DDX21: variants seen among roughly 807,000 people sequenced by gnomAD.
DDX21 encodes DExD-box helicase 21, also known as nucleolar RNA helicase 2.
In DDX21, 18 loss-of-function variants were observed where a neutral mutation model predicts 90.0. That is an observed-to-expected ratio of 0.20 (90% CI 0.14 to 0.30). The LOEUF is 0.30. DDX21 is among the 10% of genes least tolerant of loss of function. The pLI, the probability that DDX21 is intolerant of heterozygous loss-of-function variation, is 1.00. For missense variants in DDX21, 673 were observed against 944.5 expected (o/e 0.71, Z 3.77); for synonymous variants, 294 against 318.0 (o/e 0.92, Z 0.80).
At chr10:68,982,402 T>G in intron 14 of DDX21, 141 bp from the exon 15 acceptor site, 1 of 1,183,950 alleles carries the variant, frequency 8.4e-7, no homozygotes. Flanking sequence ...GGGTGGCCAG[T>G]GTTATTTTTG....
In DDX21 at chr10:68,973,815, T is replaced by TA. The variant is rs1843058792; in HGVS notation, c.1668+155dup. On this transcript the variant is annotated intron_variant, in intron 10 of 14. Coordinates refer to ENST00000354185, the MANE Select transcript of DDX21 (RefSeq NM_004728.4). ...GTTAGGTACATATGTTGTCCTGTGA[T>TA]AAAAGGCCCATTCTGAAGTAACTTT... 2.5e-5 allele frequency: 26 copies of TA among 1,021,638 alleles called. No homozygotes were observed. In the South Asian group the frequency reaches 5.4e-4, roughly 21 times the overall value. The allele number at this position is 1,021,638 out of a possible 1,614,324, so 63.3% of individuals were successfully genotyped here. A position where few individuals can be genotyped will look rare whatever the true frequency, so the allele number is the denominator to read the frequency against.
Position 68,960,230 on chromosome 10 carries a change from G to A in DDX21, c.512G>A (p.Ser171Asn). 6.2e-7 allele frequency: 1 copy of A among 1,605,684 alleles called. No individual in the cohort carries two copies. Among genetic ancestry groups the A allele is most frequent in the African/African-American group, 1.3e-5 (1 of 74,250 alleles). ...CCCAGTGAAGCTGCCAGTGAAGAAA[G>A]TAACAGTGAGATAGAGCAGGTACAT... ...CNPSEAASEE[S>N]NSEIEQEIPV... Residue 171 changes from serine to asparagine, a missense_variant, in exon 2 of 15, where the codon AGT (serine) becomes AAT (asparagine). This residue lies in a region of DDX21 where 204 missense variants were observed against 221.6 expected (regional missense o/e 0.92). Transcript: ENST00000354185.
At chr10:68,980,163 C>A (rs1353244180) in intron 13 of DDX21, among the ~76,000 whole-genome samples, 2 of 152,058 alleles carry the variant, frequency 1.3e-5, no homozygotes, top group African/African-American at 4.8e-5. Context: ...TCACTTGAAC[C>A]CGGGTGGCAG....
chr10:68,956,822 C>T (rs1026364940), intron 1 of DDX21: 1 of 932,324 alleles, frequency 1.1e-6, no homozygotes, highest in Non-Finnish European at 1.3e-6. Flanking sequence ...GCGGGCGGAT[C>T]ATGAGGTCAG....
At position 68,968,965 on chromosome 10, in the gene DDX21, C is replaced by T. The variant is rs777935765; in HGVS notation, c.1091-11C>T. ...TATTCATACTGACTTTTTTTTTCCC[C>T]CTCCTCAAAGATTCTGAAGACAATC... On this transcript the variant is annotated splice_polypyrimidine_tract_variant and intron_variant, in intron 6 of 14. Transcript: ENST00000354185. 4 of 1,602,274 alleles carry T rather than the reference C, an allele frequency of 2.5e-6. No individual in the cohort carries two copies. Among genetic ancestry groups the T allele is most frequent in the East Asian group, 2.2e-5 (1 of 44,700 alleles).
chr10:68,967,318 C>T, intron 6 of DDX21, 115 bp downstream of exon 6: 1 of 956,340 alleles, frequency 1.0e-6, no homozygotes. Flanking sequence ...GGATTACAGG[C>T]ACCCACCACC....
chr10:68,957,209 C>A (rs77902788), intron 1 of DDX21, among the ~76,000 whole-genome samples: 7,790 of 152,098 alleles, frequency 0.051, 648 homozygotes, highest in African/African-American at 0.17. Context: ...TCAGTTATTA[C>A]GAAAATCTGT....
At chr10:68,960,981 G>A (rs1380870553) in intron 2 of DDX21, among the ~76,000 whole-genome samples, 1 of 152,132 alleles carries the variant, frequency 6.6e-6, no homozygotes, top group Non-Finnish European at 1.5e-5. Flanking sequence ...GATTGCATAA[G>A]TCCTTTTGGT....
chr10:68,956,463 G>C, intron 1 of DDX21, 151 bp downstream of exon 1: 2 of 1,467,100 alleles, frequency 1.4e-6, no homozygotes, highest in Non-Finnish European at 1.8e-6. Context: ...CGGTCGCCCA[G>C]GAGTGGTGCG....
chr10:68,960,285 CATT>C, intron 2 of DDX21, 36 bp downstream of exon 2: 1 of 1,547,190 alleles, frequency 6.5e-7, no homozygotes, highest in Non-Finnish European at 8.7e-7. Flanking sequence ...AGATATCTTT[CATT>C]GTTGTTTCAG....
At position 68,969,042 on chromosome 10, in the gene DDX21, C is replaced by T. The variant is rs758825340; in HGVS notation, c.1157C>T (p.Ala386Val). Reference protein sequence around the residue: ...ATCPHWVFNVAKKYMKSTYEQ... With the variant: ...ATCPHWVFNVVKKYMKSTYEQ... ...TGCCCTCATTGGGTATTTAATGTTG[C>T]CAAGAAATACATGAAATCTACATAT... Residue 386 changes from alanine to valine, a missense_variant, in exon 7 of 15, where the codon GCC (alanine) becomes GTC (valine). Around this residue, in one of 4 missense-constraint regions of DDX21, gnomAD observed 218 missense variants for 347.3 expected, o/e 0.63. Coordinates refer to ENST00000354185, the MANE Select transcript of DDX21 (RefSeq NM_004728.4). 16 of 1,613,698 alleles carry T rather than the reference C, an allele frequency of 9.9e-6. No individual in the cohort carries two copies. The highest frequency in any genetic ancestry group is 1.0e-5 in the Non-Finnish European group (12 of 1,179,854).
At chr10:68,960,493 G>A (rs1366799569) in intron 2 of DDX21, among the ~76,000 whole-genome samples, 6 of 151,908 alleles carry the variant, frequency 3.9e-5, no homozygotes, top group South Asian at 2.1e-4. Context: ...ACAGAGTCTC[G>A]CTCTGTCACC....
intron 1 of DDX21, among the ~76,000 whole-genome samples, chr10:68,956,902 C>T (rs1842805305): frequency 6.6e-6 from 1 of 151,962 alleles, no homozygotes; most frequent in East Asian, 1.9e-4. Context: ...ATTAGCCGGG[C>T]ATGGTGGCGC....
chr10:68,978,825 C>T lies in DDX21; in HGVS notation c.1903-17C>T, dbSNP rs185766054. On this transcript the variant is annotated splice_polypyrimidine_tract_variant and intron_variant, in intron 12 of 14. Transcript: ENST00000354185. ...TTTTCAGCACTTTAATTTTATTCTCCTTTCTTGTGTTGTAAGGGTTTTGTG... is the reference window on the plus strand; with the variant it reads ...TTTTCAGCACTTTAATTTTATTCTCTTTTCTTGTGTTGTAAGGGTTTTGTG... 242 of 1,596,622 alleles carry T rather than the reference C, an allele frequency of 1.5e-4. No individual in the cohort carries two copies. The African/African-American group carries it at 3.1e-3, about 21-fold the overall frequency.
chr10:68,956,827 G>T, intron 1 of DDX21: 1 of 907,226 alleles, frequency 1.1e-6, no homozygotes, highest in Non-Finnish European at 1.3e-6. Flanking sequence ...CGGATCATGA[G>T]GTCAGGAGTT....
chr10:68,966,701 A>G (rs968885778), intron 5 of DDX21, among the ~76,000 whole-genome samples: 2 of 152,080 alleles, frequency 1.3e-5, no homozygotes, highest in South Asian at 4.1e-4. Context: ...TTGGCCTCCC[A>G]AAGTGCTGGG....
At chr10:68,978,578 T>C (rs1448133268) in intron 12 of DDX21, among the ~76,000 whole-genome samples, 1 of 152,200 alleles carries the variant, frequency 6.6e-6, no homozygotes, top group African/African-American at 2.4e-5. Flanking sequence ...AGAGATCCTT[T>C]GTATACTCTG....
At position 68,956,176 on chromosome 10, in the gene DDX21, C is replaced by T. The variant is rs1293999003; in HGVS notation, c.-50C>T. ...ACCCAGGGTGGGGAACTACCTCTTC[C>T]TCTCCACGCGGTTGAGAAGACCGGT... is the stretch of plus-strand genomic sequence containing the variant. On this transcript the variant is annotated 5_prime_UTR_variant, in exon 1 of 15. Transcript: ENST00000354185. 6 of 1,590,988 alleles carry T rather than the reference C, an allele frequency of 3.8e-6. No individual in the cohort carries two copies. The highest frequency in any genetic ancestry group is 2.2e-5 in the East Asian group (1 of 44,672).
At chr10:68,964,010 G>C (rs1842905537) in intron 4 of DDX21, 1 of 271,042 alleles carries the variant, frequency 3.7e-6, no homozygotes, top group East Asian at 1.2e-4. Context: ...TGAGGCAGGA[G>C]AATGGCGTGA....
Sources: allele counts gnomAD v4.1 joint callset (sites outside exome capture counted in the v4.1 genomes callset), GRCh38; gene constraint gnomAD v4.1.1; regional missense constraint gnomAD v4.1.1; transcripts MANE v1.5; gene names NCBI Gene and HGNC (gene_info 2026-07-23, HGNC 2026-07-21).